LHFPL3: variants seen among roughly 807,000 people sequenced by gnomAD.
The protein encoded by LHFPL3 is LHFPL tetraspan subfamily member 3, also known as LHFPL tetraspan subfamily member 3 protein.
A neutral mutation model predicts 19.3 loss-of-function variants in LHFPL3; 5 were observed. The observed-to-expected ratio is 0.26, with a 90% CI of 0.14 to 0.54. The LOEUF (loss-of-function observed/expected upper bound fraction) is 0.54, where lower values mean the gene tolerates loss of function less well. LHFPL3 is among the 20% of genes least tolerant of loss of function. The pLI, the probability that LHFPL3 is intolerant of heterozygous loss-of-function variation, is 0.94. For synonymous variants in LHFPL3, 133 were observed against 126.2 expected, an observed-to-expected ratio of 1.05 and a Z score of -0.36; for missense variants, 249 against 307.4, an observed-to-expected ratio of 0.81 and a Z score of 1.42.
intron 2 of LHFPL3, among the ~76,000 whole-genome samples, chr7:104,776,161 C>T (rs896007648): frequency 7.9e-5 from 12 of 152,156 alleles, no homozygotes; most frequent in African/African-American, 2.9e-4. Flanking sequence ...ATACAAAGGG[C>T]TAGGAAGCAA....
intron 1 of LHFPL3, among the ~76,000 whole-genome samples, chr7:104,673,876 G>A (rs1008645745): frequency 6.6e-6 from 1 of 152,178 alleles, no homozygotes; most frequent in African/African-American, 2.4e-5. Flanking sequence ...CACTCTGTTG[G>A]AAATGTATCT....
intron 1 of LHFPL3, among the ~76,000 whole-genome samples, chr7:104,491,881 T>G (rs1793360637): frequency 6.6e-6 from 1 of 152,226 alleles, no homozygotes; most frequent in Non-Finnish European, 1.5e-5. Context: ...AATACAAATT[T>G]TCCAATTAGA....
intron 2 of LHFPL3, among the ~76,000 whole-genome samples, chr7:104,786,746 G>T (rs1789925150): frequency 2.1e-5 from 3 of 144,924 alleles, no homozygotes; most frequent in Middle Eastern, 7.0e-3. Flanking sequence ...TTGAAAAAAA[G>T]ATTTATATAC....
intron 2 of LHFPL3, among the ~76,000 whole-genome samples, chr7:104,834,294 C>A (rs1190408323): frequency 6.6e-6 from 1 of 151,512 alleles, no homozygotes; most frequent in Non-Finnish European, 1.5e-5. Context: ...GAGCCAAGAT[C>A]CTGCCACTGC....
At position 104,559,845 on chromosome 7, in the gene LHFPL3, A is replaced by G. The variant is rs1584401342; in HGVS notation, c.446-176830A>G. 2.8e-5 allele frequency among the ~76,000 whole-genome samples: 4 copies of G among 145,080 alleles called. 1 individual carries two copies. The highest frequency in any genetic ancestry group is 1.1e-4 in the African/African-American group (4 of 35,438). On this transcript the variant is annotated intron_variant, in intron 1 of 2. Coordinates refer to ENST00000424859, the MANE Select transcript of LHFPL3 (RefSeq NM_199000.3). ...TCATAGATAGCTCTTATTATTTTGA[A>G]ATACGTCCCATCAATACCTAATTTA...
intron 1 of LHFPL3, among the ~76,000 whole-genome samples, chr7:104,595,470 T>C (rs979777443): frequency 1.3e-5 from 2 of 152,226 alleles, no homozygotes; most frequent in African/African-American, 2.4e-5. Flanking sequence ...ATGAGATGTC[T>C]GTCGGCCCCT....
intron 1 of LHFPL3, among the ~76,000 whole-genome samples, chr7:104,597,994 T>G (rs2115680641): frequency 6.6e-6 from 1 of 151,612 alleles, no homozygotes; most frequent in African/African-American, 2.4e-5. Flanking sequence ...AAATTATGGT[T>G]AAGTTTGGGT....
intron 1 of LHFPL3, among the ~76,000 whole-genome samples, chr7:104,597,977 A>G (rs968171904): frequency 2.0e-5 from 3 of 152,078 alleles, no homozygotes; most frequent in African/African-American, 7.3e-5. Flanking sequence ...AGCAAGAACA[A>G]ATATCAAAAT....
intron 1 of LHFPL3, among the ~76,000 whole-genome samples, chr7:104,388,005 A>C (rs1057171511): frequency 6.6e-6 from 1 of 152,070 alleles, no homozygotes; most frequent in Non-Finnish European, 1.5e-5. Flanking sequence ...ATATGTACTC[A>C]ATGTTTAGCT....
intron 1 of LHFPL3, among the ~76,000 whole-genome samples, chr7:104,519,040 C>G (rs892691119): frequency 6.6e-6 from 1 of 152,088 alleles, no homozygotes; most frequent in African/African-American, 2.4e-5. Flanking sequence ...CTTCTCTTCT[C>G]TTCCAGCAAA....
intron 1 of LHFPL3, among the ~76,000 whole-genome samples, chr7:104,714,191 C>G (rs1389825463): frequency 6.6e-6 from 1 of 152,130 alleles, no homozygotes; most frequent in Admixed American, 6.6e-5. Context: ...CTCCCTTGAC[C>G]TGGTTTCTGT....
intron 2 of LHFPL3, among the ~76,000 whole-genome samples, chr7:104,829,488 A>G (rs915637670): frequency 5.3e-5 from 8 of 149,596 alleles, no homozygotes; most frequent in African/African-American, 2.0e-4. Flanking sequence ...CCATCCCCCT[A>G]CCCCACAACA....
chr7:104,837,717 C>T (rs1791124363), intron 2 of LHFPL3, among the ~76,000 whole-genome samples: 1 of 152,046 alleles, frequency 6.6e-6, no homozygotes, highest in Non-Finnish European at 1.5e-5. Context: ...TTGGTGCACC[C>T]ATCACCTGGG....
At chr7:104,682,523 T>C (rs1240818243) in intron 1 of LHFPL3, among the ~76,000 whole-genome samples, 1 of 152,152 alleles carries the variant, frequency 6.6e-6, no homozygotes, top group Non-Finnish European at 1.5e-5. Context: ...CTCAATGAAA[T>C]GCTGTTCCTT....
chr7:104,394,372 A>G lies in LHFPL3; in HGVS notation c.445+65148A>G, dbSNP rs76278882. 5.6e-3 allele frequency among the ~76,000 whole-genome samples: 858 copies of G among 152,314 alleles called. 2 individuals carry two copies. The highest frequency in any genetic ancestry group is 0.02 in the African/African-American group (819 of 41,566). On this transcript the variant is annotated intron_variant, in intron 1 of 2. Transcript: ENST00000424859. ...AAGATAACCTCAGAAATATTAATTAATGGTGGTATAATTTAGGTAATTTTA... is the reference window on the plus strand; with the variant it reads ...AAGATAACCTCAGAAATATTAATTAGTGGTGGTATAATTTAGGTAATTTTA...
chr7:104,424,575 C>T (rs1244220847), intron 1 of LHFPL3, among the ~76,000 whole-genome samples: 1 of 152,192 alleles, frequency 6.6e-6, no homozygotes, highest in Non-Finnish European at 1.5e-5. Context: ...AAAGGTCAAC[C>T]AACCAGGTCT....
At chr7:104,848,802 C>T (rs1791361024) in intron 2 of LHFPL3, among the ~76,000 whole-genome samples, 1 of 152,134 alleles carries the variant, frequency 6.6e-6, no homozygotes, top group Non-Finnish European at 1.5e-5. Context: ...AAAATATCAG[C>T]CTGGAGGCCT....
chr7:104,885,039 G>A (rs941844602), intron 2 of LHFPL3, among the ~76,000 whole-genome samples: 6 of 152,186 alleles, frequency 3.9e-5, no homozygotes, highest in African/African-American at 1.4e-4. Context: ...CATCCTCATA[G>A]CACTCAGTGC....
intron 1 of LHFPL3, among the ~76,000 whole-genome samples, chr7:104,645,645 T>C (rs947749681): frequency 7.3e-6 from 1 of 137,892 alleles, no homozygotes; most frequent in Non-Finnish European, 1.5e-5. Flanking sequence ...ATTTGCTCTA[T>C]TGGGTTTTCT....
Sources: gnomAD v4.1 joint callset for allele counts (sites outside exome capture counted in the v4.1 genomes callset) on GRCh38, gnomAD v4.1.1 for gene constraint, MANE v1.5 for transcripts, NCBI Gene and HGNC (gene_info 2026-07-23, HGNC 2026-07-21) for gene names.